Variants in KRT2 observed in about 807,000 individuals in gnomAD.
KRT2 encodes the protein keratin 2.
KRT2 carries 37 observed loss-of-function variants against 48.5 expected under a neutral mutation model. The ratio of observed to expected loss-of-function variants is 0.76; its 90% confidence interval spans 0.59 to 1.00. KRT2 has a LOEUF of 1.00. Ranked by LOEUF, KRT2 falls within the 50% of genes least tolerant of loss-of-function variation. The probability of loss-of-function intolerance (pLI) is 0.00; values close to 1 mark genes in which losing one functional copy is unlikely to be tolerated. For synonymous variants in KRT2, 324 were observed against 312.2 expected (o/e 1.04, Z -0.40); for missense variants, 880 against 815.2 (o/e 1.08, Z -0.97).
Position 52,651,938 on chromosome 12 carries a change from T to G in KRT2, c.205A>C (p.Thr69Pro), listed in dbSNP as rs373485048. The G allele has an allele frequency of 8.1e-6, 13 of 1,613,278 alleles. No homozygotes were observed. Among genetic ancestry groups the G allele is most frequent in the Non-Finnish European group, 1.1e-5 (13 of 1,179,852 alleles). ...GSRSLVGLGGTKSISISVAGG... is the reference protein window; with the variant it reads ...GSRSLVGLGGPKSISISVAGG... Reference sequence around the variant, plus strand: ...GCCACACTAATGGAGATGCTCTTGGTCCCTCCAAGGCCAACAAGACTCCGA... The same window carrying G: ...GCCACACTAATGGAGATGCTCTTGGGCCCTCCAAGGCCAACAAGACTCCGA... Residue 69 changes from threonine (T) to proline (P), a missense_variant, in exon 1 of 9, where the codon ACC becomes CCC. Coordinates refer to ENST00000309680, the MANE Select transcript of KRT2 (RefSeq NM_000423.3).
At chr12:52,647,625 AT>A in intron 6 of KRT2, 104 bp downstream of exon 6, 1 of 1,339,122 alleles carries the variant, frequency 7.5e-7, no homozygotes, top group Non-Finnish European at 1.0e-6. Context: ...AGAGTGCAAT[AT>A]CTCAGTGTCT....
At chr12:52,647,664 C>A (rs1941187316) in intron 6 of KRT2, 66 bp downstream of exon 6, 3 of 1,592,746 alleles carry the variant, frequency 1.9e-6, no homozygotes, top group Admixed American at 1.7e-5. Flanking sequence ...CACTCACACA[C>A]AACCACACTC....
At position 52,646,839 on chromosome 12, in the gene KRT2, G is replaced by A. The variant is rs768410153; in HGVS notation, c.1370C>T (p.Ala457Val). ...EALQQAKEDL[A>V]RLLRDYQELM... ...CTCCTGGTAGTCACGCAGCAGCCGC[G>A]CCAAGTCCTCCTTGGCCTGCTGCAG... Residue 457 changes from alanine (A) to valine (V), a missense_variant, in exon 7 of 9, where the codon GCG (alanine) becomes GTG (valine). Ala to Val is a moderately conservative substitution (Grantham distance 64). Transcript: ENST00000309680. The A allele has an allele frequency of 1.2e-5, 20 of 1,613,994 alleles. No homozygotes were observed. The highest frequency in any genetic ancestry group is 2.2e-5 in the East Asian group (1 of 44,892).
Position 52,651,609 on chromosome 12 carries a change from C to G in KRT2, c.534G>C (p.Glu178Asp), listed in dbSNP as rs1296315162. 6.2e-7 allele frequency: 1 copy of G among 1,614,060 alleles called. No homozygotes were observed. The highest frequency in any genetic ancestry group is 8.5e-7 in the Non-Finnish European group (1 of 1,180,040). The change falls in exon 1 of 9, where the codon GAG (glutamate) becomes GAC (aspartate). Residue 178 changes from glutamate (E) to aspartate (D), a missense_variant. Physicochemically the swap from Glu to Asp is conservative, Grantham distance 45. Coordinates refer to ENST00000309680, the MANE Select transcript of KRT2 (RefSeq NM_000423.3). ...TGTTGAGAGTTTTGATCTGCTCACG[C>G]TCTTGGGCCTTCACATTCTGGATCT... ...DPEIQNVKAQ[E>D]REQIKTLNNK... is the part of the protein sequence containing the mutation.
At chr12:52,650,643 T>G in intron 1 of KRT2, 90 bp from the exon 2 acceptor site, 2 of 1,030,316 alleles carry the variant, frequency 1.9e-6, no homozygotes, top group Non-Finnish European at 3.1e-6. Flanking sequence ...AGGTGCTGCT[T>G]CAGGACCTCG....
chr12:52,645,304 CTG>C lies in KRT2; in HGVS notation c.1633_1634del (p.Gln545ValfsTer7). ...CTCCACTACCGCCTCTGGAGCCAGA[CTG>C]TCGGCCTCCAGAGCCATAACTGCTG... The part of the protein sequence containing the change: ...GSSSYGSGGR[Q>X]SGSRGGSGGG... On this transcript the variant is annotated frameshift_variant, in exon 9 of 9. Transcript: ENST00000309680. LOFTEE classifies it low-confidence loss of function (END_TRUNC). The C allele has an allele frequency of 6.2e-7, 1 of 1,614,108 alleles. No homozygotes were observed. Among genetic ancestry groups the C allele is most frequent in the Non-Finnish European group, 8.5e-7 (1 of 1,179,998 alleles).
At chr12:52,649,153 T>C in intron 3 of KRT2, 51 bp from the exon 4 acceptor site, 1 of 1,124,168 alleles carries the variant, frequency 8.9e-7, no homozygotes, top group South Asian at 1.2e-5. Flanking sequence ...ACAGGCCTCT[T>C]CCTCTCTCTG....
At position 52,647,943 on chromosome 12, in the gene KRT2, T is replaced by C. The variant is rs113594664; in HGVS notation, c.1123-88A>G. The C allele has an allele frequency of 6.6e-5, 103 of 1,562,202 alleles. No individual in the cohort carries two copies. In the African/African-American group the frequency reaches 1.1e-3, roughly 16 times the overall value. On this transcript the variant is annotated intron_variant, in intron 5 of 8. Coordinates refer to ENST00000309680, the MANE Select transcript of KRT2 (RefSeq NM_000423.3). ...ACTGGAGTGAAGGAGAGCTGGTTAC[T>C]GGTCCAGGGAGGGTCAACCCAGCTA...
Position 52,652,059 on chromosome 12 carries a change from C to T in KRT2, c.84G>A (p.Val28=). 1 of 1,603,464 alleles carries T rather than the reference C, an allele frequency of 6.2e-7. No homozygotes were observed. Among genetic ancestry groups the T allele is most frequent in the East Asian group, 2.2e-5 (1 of 44,870 alleles). Reference sequence around the variant, plus strand: ...TTGATCTCCGGCTTCCACCAGACACCACAGCTGAGCCGCTGCTGAAGCCCC... The same window carrying T: ...TTGATCTCCGGCTTCCACCAGACACTACAGCTGAGCCGCTGCTGAAGCCCC... ...GFRGFSSGSA[V]VSGGSRRSTS... The change falls in exon 1 of 9, where the codon GTG becomes GTA. Residue 28 remains valine (V), a synonymous_variant. Coordinates refer to ENST00000309680, the MANE Select transcript of KRT2 (RefSeq NM_000423.3).
Position 52,652,102 on chromosome 12 carries a change from C to A in KRT2, c.41G>T (p.Gly14Val). 6.3e-7 allele frequency: 1 copy of A among 1,576,400 alleles called. No homozygotes were observed. Among genetic ancestry groups the A allele is most frequent in the Non-Finnish European group, 8.6e-7 (1 of 1,167,108 alleles). ...QISCKSRGRGGGGGGFRGFSS... is the reference protein window; with the variant it reads ...QISCKSRGRGVGGGGFRGFSS... ...GAAGCCCCGGAATCCTCCTCCACCT[C>A]CTCCTCTTCCTCGAGATTTGCAAGA... The change falls in exon 1 of 9, where the codon GGA (glycine) becomes GTA (valine). Residue 14 changes from glycine (G) to valine (V), a missense_variant. Coordinates refer to ENST00000309680, the MANE Select transcript of KRT2 (RefSeq NM_000423.3).
Position 52,652,118 on chromosome 12 carries a change from A to G in KRT2, c.25T>C (p.Ser9Pro). The change falls in exon 1 of 9, where the codon TCT becomes CCT. Residue 9 changes from serine (S) to proline (P), a missense_variant. Transcript: ENST00000309680. Reference protein sequence around the residue: MSCQISCKSRGRGGGGGGF... With the variant: MSCQISCKPRGRGGGGGGF... ...CCTCCACCTCCTCCTCTTCCTCGAG[A>G]TTTGCAAGAGATCTGACAACTCATG... is the stretch of plus-strand genomic sequence containing the variant. 6.4e-7 allele frequency: 1 copy of G among 1,559,510 alleles called. No homozygotes were observed. The highest frequency in any genetic ancestry group is 8.6e-7 in the Non-Finnish European group (1 of 1,158,272).
chr12:52,647,270 T>G (rs548480743), intron 6 of KRT2, among the ~76,000 whole-genome samples: 3 of 152,340 alleles, frequency 2.0e-5, no homozygotes, highest in Admixed American at 6.5e-5. Context: ...AAGCTTCTGC[T>G]GCTGATGGAA....
rs1384519384 is a variant in KRT2, at chr12:52,647,595, A to G, written c.1248+135T>C. On this transcript the variant is annotated intron_variant, in intron 6 of 8. Coordinates refer to ENST00000309680, the MANE Select transcript of KRT2 (RefSeq NM_000423.3). ...GCCATAAATTATGTTAAGCTGGGGAATTTGGGATCGATACATGCTAGAGTG... is the reference window on the plus strand; with the variant it reads ...GCCATAAATTATGTTAAGCTGGGGAGTTTGGGATCGATACATGCTAGAGTG... 3 of 1,005,396 alleles carry G rather than the reference A, an allele frequency of 3.0e-6. No homozygotes were observed. In the East Asian group the frequency reaches 7.9e-5, roughly 26 times the overall value. 62.3% of individuals were successfully genotyped at this position (1,005,396 alleles called of 1,614,324 possible).
At position 52,645,393 on chromosome 12, in the gene KRT2, C is replaced by T; in HGVS notation, c.1546G>A (p.Ala516Thr). 1.2e-6 allele frequency: 2 copies of T among 1,614,202 alleles called. No homozygotes were observed. Among genetic ancestry groups the T allele is most frequent in the South Asian group, 2.2e-5 (2 of 91,084 alleles). Reference protein sequence around the residue: ...STISSNVASKAAFGGSGGRGS... With the variant: ...STISSNVASKTAFGGSGGRGS... ...CTACCTCCAGAACCTCCAAAGGCAG[C>T]CTTGGATGCCACATTTGATGAAATG... Residue 516 changes from alanine to threonine, a missense_variant, in exon 9 of 9, where the codon GCT becomes ACT. Physicochemically the swap from Ala to Thr is moderately conservative, Grantham distance 58. Coordinates refer to ENST00000309680, the MANE Select transcript of KRT2 (RefSeq NM_000423.3).
At chr12:52,645,512 C>G (rs148798195) in intron 8 of KRT2, 23 bp downstream of exon 8, 6 of 1,614,156 alleles carry the variant, frequency 3.7e-6, no homozygotes, top group African/African-American at 2.7e-5. Flanking sequence ...CCCCATGGAA[C>G]AGGACCACAC....
chr12:52,644,847 G>T lies in KRT2; in HGVS notation c.*172C>A. 1 of 699,608 alleles carries T rather than the reference G, an allele frequency of 1.4e-6. No individual in the cohort carries two copies. The highest frequency in any genetic ancestry group is 2.4e-6 in the Non-Finnish European group (1 of 416,432). 43.3% of individuals were successfully genotyped at this position (699,608 alleles called of 1,614,324 possible). A position where few individuals can be genotyped will look rare whatever the true frequency, so the allele number is the denominator to read the frequency against. On this transcript the variant is annotated 3_prime_UTR_variant, in exon 9 of 9. Transcript: ENST00000309680. ...GTCACTGGCTCTAACTAACTGGTTTGGAGAGAAGATCTTTCAAAAACTGTA... is the reference window on the plus strand; with the variant it reads ...GTCACTGGCTCTAACTAACTGGTTTTGAGAGAAGATCTTTCAAAAACTGTA...
chr12:52,651,506 CT>C, intron 1 of KRT2, 51 bp downstream of exon 1: 2 of 1,354,458 alleles, frequency 1.5e-6, no homozygotes, highest in South Asian at 2.3e-5. Flanking sequence ...TTGGTTGGCT[CT>C]GGAAGTGAAG....
intron 2 of KRT2, 85 bp from the exon 3 acceptor site, chr12:52,650,059 GC>G: frequency 2.0e-6 from 2 of 993,464 alleles, no homozygotes; most frequent in Non-Finnish European, 1.6e-6. Context: ...CACCCCAAAT[GC>G]CCCATTCTCT....
rs1167029215 is a variant in KRT2 at position 52,651,689 on chromosome 12, C to T, written c.454G>A (p.Glu152Lys). 44 of 1,614,054 alleles carry T rather than the reference C, an allele frequency of 2.7e-5. No individual in the cohort carries two copies. Among genetic ancestry groups the T allele is most frequent in the Non-Finnish European group, 3.3e-5 (39 of 1,180,000 alleles). The part of the protein sequence containing the change: ...GPGGYPGGIH[E>K]VSVNQSLLQP... ...AGGAGGCTCTGGTTGACAGAGACTT[C>T]GTGGATGCCACCAGGGTATCCTCCA... The change falls in exon 1 of 9, where the codon GAA becomes AAA. Residue 152 changes from glutamate to lysine, a missense_variant. Glu to Lys is a moderately conservative substitution (Grantham distance 56, BLOSUM62 1). Coordinates refer to ENST00000309680, the MANE Select transcript of KRT2 (RefSeq NM_000423.3).
Sources: allele counts gnomAD v4.1 joint callset (sites outside exome capture counted in the v4.1 genomes callset), GRCh38; gene constraint gnomAD v4.1.1; transcripts MANE v1.5; gene names NCBI Gene and HGNC (gene_info 2026-07-23, HGNC 2026-07-21).